Variants in SEMA3E observed in about 807,000 individuals in gnomAD.
The protein encoded by SEMA3E is semaphorin-3E.
SEMA3E carries 49 observed loss-of-function variants against 93.6 expected under a neutral mutation model. The observed-to-expected ratio is 0.52, with a 90% CI of 0.42 to 0.66. The LOEUF (loss-of-function observed/expected upper bound fraction) is 0.66, where lower values mean the gene tolerates loss of function less well. Ranked by LOEUF, SEMA3E falls within the 30% of genes least tolerant of loss-of-function variation. SEMA3E has a pLI of 0.00. For missense variants in SEMA3E, 906 were observed against 964.8 expected (o/e 0.94, Z 0.81); for synonymous variants, 363 against 330.7 (o/e 1.10, Z -1.06).
rs538527858 is a variant in SEMA3E, at chr7:83,637,455, A to T, written c.115+10973T>A. 2.6e-5 allele frequency among the ~76,000 whole-genome samples: 4 copies of T among 152,270 alleles called. No homozygotes were observed. The South Asian group carries it at 6.2e-4, about 24-fold the overall frequency. On this transcript the variant is annotated intron_variant, in intron 1 of 16. Coordinates refer to ENST00000643230, the MANE Select transcript of SEMA3E (RefSeq NM_012431.3). ...AGGCTCTTTTAATTCTCTGAAGGCA[A>T]TGATATGGTTTGGCTCTGTGTCCCC...
intron 1 of SEMA3E, among the ~76,000 whole-genome samples, chr7:83,602,279 A>T (rs954722401): frequency 2.6e-5 from 4 of 152,204 alleles, no homozygotes; most frequent in Admixed American, 2.6e-4. Flanking sequence ...GAGAAAAACA[A>T]GTCATATTCT....
rs1426243663 is a variant in SEMA3E at position 83,624,861 on chromosome 7, T to C, written c.115+23567A>G. Reference sequence around the variant, plus strand: ...CCTAGGGTTTTTATGGTTTTAGGTCTTACATTTAAATCTTTAATCTATCTT... The same window carrying C: ...CCTAGGGTTTTTATGGTTTTAGGTCCTACATTTAAATCTTTAATCTATCTT... On this transcript the variant is annotated intron_variant, in intron 1 of 16. Transcript: ENST00000643230. Among the ~76,000 whole-genome samples, 4 of 152,242 alleles carry C rather than the reference T, an allele frequency of 2.6e-5. No individual in the cohort carries two copies. In the East Asian group the frequency reaches 5.8e-4, roughly 22 times the overall value.
At chr7:83,611,952 C>G (rs1409149355) in intron 1 of SEMA3E, among the ~76,000 whole-genome samples, 11 of 152,108 alleles carry the variant, frequency 7.2e-5, no homozygotes, top group South Asian at 4.1e-4. Context: ...CCCCAATTGC[C>G]TTGCTGCTTT....
chr7:83,476,427 G>A (rs1562799070), intron 2 of SEMA3E, among the ~76,000 whole-genome samples: 1 of 152,186 alleles, frequency 6.6e-6, no homozygotes, highest in Non-Finnish European at 1.5e-5. Context: ...TGAGTAGATG[G>A]AAGAAAGACA....
At chr7:83,481,547 A>G (rs920123033) in intron 2 of SEMA3E, among the ~76,000 whole-genome samples, 4 of 152,204 alleles carry the variant, frequency 2.6e-5, no homozygotes, top group South Asian at 2.1e-4. Context: ...AGATTCTCAC[A>G]TTAGATAACG....
At chr7:83,385,901 G>A (rs1292804089) in intron 15 of SEMA3E, among the ~76,000 whole-genome samples, 2 of 152,150 alleles carry the variant, frequency 1.3e-5, no homozygotes, top group Non-Finnish European at 2.9e-5. Context: ...GGCTGCTGTA[G>A]TGAGAAGAGA....
intron 1 of SEMA3E, among the ~76,000 whole-genome samples, chr7:83,595,899 T>C (rs1792863896): frequency 6.6e-6 from 1 of 152,096 alleles, no homozygotes; most frequent in Non-Finnish European, 1.5e-5. Context: ...GGAGAAATAA[T>C]TTATGACTAT....
rs1021339518 is a variant in SEMA3E at position 83,408,278 on chromosome 7, T to G, written c.670+90A>C. 103 of 1,442,960 alleles carry G rather than the reference T, an allele frequency of 7.1e-5. 1 individual carries two copies. Among genetic ancestry groups the G allele is most frequent in the Admixed American group, 3.5e-5 (2 of 57,264 alleles). 89.4% of individuals were successfully genotyped at this position (1,442,960 alleles called of 1,614,324 possible). ...GAAATTTGTAAAGGAATTGTATTTA[T>G]ATTCTTATTATTATCAAAATGGCAA... On this transcript the variant is annotated intron_variant, in intron 6 of 16. Transcript: ENST00000643230.
chr7:83,376,747 A>G (rs1794828417), intron 16 of SEMA3E, among the ~76,000 whole-genome samples: 1 of 152,082 alleles, frequency 6.6e-6, no homozygotes. Flanking sequence ...TTACTACAAT[A>G]AACATGCATA....
In SEMA3E at chr7:83,508,663, C is replaced by T. The variant is rs1289681173; in HGVS notation, c.116-18389G>A. Among the ~76,000 whole-genome samples the T allele has an allele frequency of 2.6e-5, 4 of 152,236 alleles. No homozygotes were observed. In the East Asian group the frequency reaches 7.7e-4, roughly 29 times the overall value. On this transcript the variant is annotated intron_variant, in intron 1 of 16. Transcript: ENST00000643230. ...ATTTATACTTCATATCTTTAATATT[C>T]AATGACATAGCATAGTACATCTGAC...
intron 1 of SEMA3E, among the ~76,000 whole-genome samples, chr7:83,612,950 C>T (rs1793295784): frequency 2.0e-5 from 3 of 151,992 alleles, no homozygotes; most frequent in Admixed American, 2.0e-4. Context: ...ATGATTCAGC[C>T]AGTACAGACA....
intron 1 of SEMA3E, among the ~76,000 whole-genome samples, chr7:83,590,869 A>G (rs959232468): frequency 2.6e-5 from 4 of 152,132 alleles, no homozygotes; most frequent in Admixed American, 6.6e-5. Context: ...TAACCTTCCC[A>G]TATGTTAACT....
chr7:83,510,189 C>CA (rs1294846403), intron 1 of SEMA3E, among the ~76,000 whole-genome samples: 1 of 152,114 alleles, frequency 6.6e-6, no homozygotes, highest in East Asian at 1.9e-4. Context: ...TTAATCCTGT[C>CA]AAATCCACTC....
chr7:83,624,978 G>A (rs1295327042), intron 1 of SEMA3E, among the ~76,000 whole-genome samples: 1 of 152,166 alleles, frequency 6.6e-6, no homozygotes, highest in Non-Finnish European at 1.5e-5. Flanking sequence ...TTATTAAATA[G>A]GGAATCCTTT....
intron 1 of SEMA3E, among the ~76,000 whole-genome samples, chr7:83,633,867 A>G (rs1233633012): frequency 6.6e-6 from 1 of 152,182 alleles, no homozygotes; most frequent in African/African-American, 2.4e-5. Flanking sequence ...GAAAAGCAGC[A>G]GTGCTGTCAT....
At chr7:83,386,653 C>T (rs1787888845) in intron 15 of SEMA3E, among the ~76,000 whole-genome samples, 2 of 152,090 alleles carry the variant, frequency 1.3e-5, no homozygotes. Context: ...TGAAGATAGT[C>T]CCCAGTATGA....
chr7:83,469,116 TTTC>T, intron 3 of SEMA3E, 124 bp downstream of exon 3: 1 of 729,762 alleles, frequency 1.4e-6, no homozygotes, highest in Non-Finnish European at 2.4e-6. Context: ...CTATATATTT[TTTC>T]TTCATGAACC....
chr7:83,381,365 A>G (rs895382952), intron 16 of SEMA3E, among the ~76,000 whole-genome samples: 1 of 151,960 alleles, frequency 6.6e-6, no homozygotes, highest in African/African-American at 2.4e-5. Context: ...CAAGAGTCTT[A>G]GCATCTGCTG....
intron 2 of SEMA3E, among the ~76,000 whole-genome samples, chr7:83,472,372 C>A (rs1486569710): frequency 1.3e-5 from 2 of 151,968 alleles, no homozygotes; most frequent in South Asian, 2.1e-4. Flanking sequence ...CTGTGGAAAC[C>A]CACACTGCAA....
Sources: gnomAD v4.1 joint callset for allele counts (sites outside exome capture counted in the v4.1 genomes callset) on GRCh38, gnomAD v4.1.1 for gene constraint, MANE v1.5 for transcripts, NCBI Gene and HGNC (gene_info 2026-07-23, HGNC 2026-07-21) for gene names.